Variants in LSAMP observed in about 807,000 individuals in gnomAD.
The protein encoded by LSAMP is limbic system-associated membrane protein.
LSAMP carries 7 observed loss-of-function variants against 38.6 expected under a neutral mutation model. The observed-to-expected ratio is 0.18, with a 90% CI of 0.10 to 0.34. The LOEUF (loss-of-function observed/expected upper bound fraction) is 0.34. LSAMP is among the 10% of genes least tolerant of loss of function. The pLI is 1.00. For missense variants in LSAMP, 313 were observed against 420.0 expected, an observed-to-expected ratio of 0.75 and a Z score of 2.23; for synonymous variants, 154 against 166.8, an observed-to-expected ratio of 0.92 and a Z score of 0.59.
chr3:115,883,014 G>T (rs767791085), intron 3 of LSAMP, among the ~76,000 whole-genome samples: 135 of 152,146 alleles, frequency 8.9e-4, no homozygotes, highest in Non-Finnish European at 1.5e-3. Flanking sequence ...CTTCCATATA[G>T]ATAACTATAT....
intron 2 of LSAMP, among the ~76,000 whole-genome samples, chr3:116,048,907 A>C (rs1198217483): frequency 6.6e-6 from 1 of 152,194 alleles, no homozygotes; most frequent in African/African-American, 2.4e-5. Flanking sequence ...AATGTAAAGA[A>C]GACATGCAAT....
intron 1 of LSAMP, among the ~76,000 whole-genome samples, chr3:116,288,941 A>G (rs80141481): frequency 0.013 from 2,046 of 152,340 alleles, 37 homozygotes; most frequent in African/African-American, 0.046. Context: ...CATTTCACAC[A>G]TAGTAAAACC....
Position 116,188,592 on chromosome 3 carries a change from G to C in LSAMP, c.156-102036C>G, listed in dbSNP as rs1710679494. On this transcript the variant is annotated intron_variant, in intron 1 of 6. Coordinates refer to ENST00000490035, the MANE Select transcript of LSAMP (RefSeq NM_002338.5). ...TCTGTTTATTTGCTCTCAAGTTCTTGCTGGCCCTGCTAGATTCACACAAGC... is the reference window on the plus strand; with the variant it reads ...TCTGTTTATTTGCTCTCAAGTTCTTCCTGGCCCTGCTAGATTCACACAAGC... 4.6e-5 allele frequency among the ~76,000 whole-genome samples: 7 copies of C among 152,092 alleles called. No individual in the cohort carries two copies. The South Asian group carries it at 1.4e-3, about 32-fold the overall frequency.
intron 1 of LSAMP, among the ~76,000 whole-genome samples, chr3:116,247,769 T>C (rs1249801107): frequency 6.6e-6 from 1 of 152,190 alleles, no homozygotes; most frequent in East Asian, 1.9e-4. Context: ...TTTCAACTAT[T>C]AATGTACAGT....
chr3:116,283,444 A>G (rs960989545), intron 1 of LSAMP, among the ~76,000 whole-genome samples: 1 of 152,104 alleles, frequency 6.6e-6, no homozygotes, highest in Non-Finnish European at 1.5e-5. Context: ...AGAGGAAAAA[A>G]CTATTGACTA....
chr3:115,835,471 T>C (rs1467396705), intron 6 of LSAMP, among the ~76,000 whole-genome samples: 2 of 152,156 alleles, frequency 1.3e-5, no homozygotes, highest in Non-Finnish European at 2.9e-5. Flanking sequence ...AAATATAGAA[T>C]GGAATAGTAG....
In LSAMP at chr3:115,810,304, A is replaced by T. The variant is rs777484563; in HGVS notation, c.*13T>A. The T allele has an allele frequency of 1.9e-6, 3 of 1,558,168 alleles. No individual in the cohort carries two copies. The highest frequency in any genetic ancestry group is 2.6e-6 in the Non-Finnish European group (3 of 1,147,086). ...TTGTGTGTTTTTTAAATTATTTTTA[A>T]ATTTTTATTCTATTAACATTTGCTG... is the stretch of plus-strand genomic sequence containing the variant. On this transcript the variant is annotated 3_prime_UTR_variant, in exon 7 of 7. Coordinates refer to ENST00000490035, the MANE Select transcript of LSAMP (RefSeq NM_002338.5).
chr3:115,864,102 G>C (rs1336479589), intron 3 of LSAMP, among the ~76,000 whole-genome samples: 1 of 152,076 alleles, frequency 6.6e-6, no homozygotes, highest in Admixed American at 6.6e-5. Flanking sequence ...AGTCCACTTG[G>C]CCCCCAAAGC....
chr3:115,933,155 T>C (rs1156651091), intron 3 of LSAMP, among the ~76,000 whole-genome samples: 1 of 152,144 alleles, frequency 6.6e-6, no homozygotes, highest in Admixed American at 6.6e-5. Context: ...TGGTCAGGAA[T>C]GTCAAGCTTT....
chr3:116,333,789 A>G (rs957086221), intron 1 of LSAMP, among the ~76,000 whole-genome samples: 16 of 151,984 alleles, frequency 1.1e-4, no homozygotes, highest in African/African-American at 3.9e-4. Context: ...TATGCTACGA[A>G]CACTTAAATT....
At position 116,019,488 on chromosome 3, in the gene LSAMP, C is replaced by A. The variant is rs775666761; in HGVS notation, c.514+27G>T. Reference sequence around the variant, plus strand: ...TGAGCATATTTTAAACAGCATGTGGCATATTGGAACCTGGAGTATTGCTTA... The same window carrying A: ...TGAGCATATTTTAAACAGCATGTGGAATATTGGAACCTGGAGTATTGCTTA... On this transcript the variant is annotated intron_variant, in intron 3 of 6. Transcript: ENST00000490035. The A allele has an allele frequency of 1.9e-6, 3 of 1,607,910 alleles. No homozygotes were observed. The South Asian group carries it at 3.3e-5, about 18-fold the overall frequency.
intron 3 of LSAMP, among the ~76,000 whole-genome samples, chr3:115,910,994 T>C (rs1180173869): frequency 6.6e-6 from 1 of 152,202 alleles, no homozygotes; most frequent in South Asian, 2.1e-4. Flanking sequence ...TTAGGAATTA[T>C]AAATCCTTGA....
intron 3 of LSAMP, among the ~76,000 whole-genome samples, chr3:115,968,000 C>T (rs892106655): frequency 6.6e-6 from 1 of 152,116 alleles, no homozygotes. Flanking sequence ...GTGAGTACTG[C>T]CTGGCTACCA....
At chr3:116,235,059 G>T (rs1464070324) in intron 1 of LSAMP, among the ~76,000 whole-genome samples, 1 of 151,954 alleles carries the variant, frequency 6.6e-6, no homozygotes, top group Admixed American at 6.6e-5. Flanking sequence ...ACATAATTTG[G>T]AACATGCCAT....
chr3:116,172,851 T>C (rs1710236270), intron 1 of LSAMP, among the ~76,000 whole-genome samples: 1 of 151,968 alleles, frequency 6.6e-6, no homozygotes, highest in Non-Finnish European at 1.5e-5. Flanking sequence ...ATATTGGCAT[T>C]GTTGAGTGAA....
intron 1 of LSAMP, among the ~76,000 whole-genome samples, chr3:116,396,846 A>C (rs1024661898): frequency 1.3e-5 from 2 of 152,214 alleles, no homozygotes; most frequent in Non-Finnish European, 2.9e-5. Context: ...CCGTTCTTCC[A>C]GTTGCTCAGG....
intron 6 of LSAMP, among the ~76,000 whole-genome samples, chr3:115,840,478 ACTTATGTTTGGT>A (rs1318694703): frequency 6.6e-6 from 1 of 152,216 alleles, no homozygotes; most frequent in African/African-American, 2.4e-5. Flanking sequence ...GGCAAAGAAT[ACTTATGTTTGGT>A]CTTTGGAGAC....
At chr3:115,855,094 T>C (rs534373823) in intron 3 of LSAMP, among the ~76,000 whole-genome samples, 12 of 152,322 alleles carry the variant, frequency 7.9e-5, no homozygotes, top group Non-Finnish European at 1.2e-4. Context: ...AACACTGAAT[T>C]CTTTCCAATT....
intron 1 of LSAMP, among the ~76,000 whole-genome samples, chr3:116,235,514 A>G (rs2046453937): frequency 6.6e-6 from 1 of 152,178 alleles, no homozygotes; most frequent in African/African-American, 2.4e-5. Flanking sequence ...AAAGAGATAG[A>G]GATAGAGATA....
Sources: gnomAD v4.1 joint callset for allele counts (sites outside exome capture counted in the v4.1 genomes callset) on GRCh38, gnomAD v4.1.1 for gene constraint, MANE v1.5 for transcripts, NCBI Gene and HGNC (gene_info 2026-07-23, HGNC 2026-07-21) for gene names.